The following THEMIS variants were observed in gnomAD, a reference collection of about 807,000 sequenced individuals.
The protein encoded by THEMIS is thymocyte selection associated, also known as protein THEMIS.
Under a neutral mutation model 52.6 loss-of-function variants are expected in THEMIS, and 37 were observed. The observed-to-expected ratio is 0.70, with a 90% CI of 0.54 to 0.93. THEMIS has a LOEUF of 0.93. Among genes scored for constraint, THEMIS ranks in the 40% least tolerant of loss-of-function variants. THEMIS has a pLI of 0.00. For missense variants in THEMIS, 808 were observed against 763.1 expected (o/e 1.06, Z -0.69); for synonymous variants, 292 against 272.7 (o/e 1.07, Z -0.70).
intron 4 of THEMIS, among the ~76,000 whole-genome samples, chr6:127,806,446 C>A (rs1038652326): frequency 6.6e-6 from 1 of 152,050 alleles, no homozygotes; most frequent in African/African-American, 2.4e-5. Context: ...TCATTGCCCC[C>A]AGGTGAGAAC....
chr6:127,860,798 A>G (rs1368096918), intron 1 of THEMIS, among the ~76,000 whole-genome samples: 1 of 152,200 alleles, frequency 6.6e-6, no homozygotes, highest in African/African-American at 2.4e-5. Flanking sequence ...TTTCAGTGAT[A>G]GAAGAAGAAT....
intron 2 of THEMIS, 146 bp from the exon 3 acceptor site, chr6:127,830,080 C>T: frequency 3.1e-6 from 2 of 644,636 alleles, no homozygotes; most frequent in Non-Finnish European, 5.2e-6. Context: ...TTATTTTAAT[C>T]CAGAGTTCTT....
chr6:127,910,785 T>C (rs1302479159), intron 1 of THEMIS, among the ~76,000 whole-genome samples: 1 of 152,124 alleles, frequency 6.6e-6, no homozygotes, highest in African/African-American at 2.4e-5. Context: ...TATTGAGATA[T>C]TATTATTATT....
At chr6:127,820,711 C>A (rs1257823398) in intron 3 of THEMIS, among the ~76,000 whole-genome samples, 1 of 152,022 alleles carries the variant, frequency 6.6e-6, no homozygotes. Context: ...TTACTGGCAA[C>A]CCAATCTGCC....
chr6:127,911,808 T>A (rs563398185), intron 1 of THEMIS, among the ~76,000 whole-genome samples: 2 of 151,580 alleles, frequency 1.3e-5, no homozygotes, highest in South Asian at 4.1e-4. Context: ...GCTAGGGCAG[T>A]GCAGAAGGGA....
chr6:127,818,438 A>G (rs1398031596), intron 3 of THEMIS, among the ~76,000 whole-genome samples: 3 of 152,194 alleles, frequency 2.0e-5, no homozygotes, highest in East Asian at 1.9e-4. Context: ...GACAAAAGAA[A>G]GCACTACATG....
intron 2 of THEMIS, 132 bp from the exon 3 acceptor site, chr6:127,830,066 A>T: frequency 1.5e-6 from 1 of 674,704 alleles, no homozygotes; most frequent in Admixed American, 3.0e-5. Flanking sequence ...AAGATTAGAG[A>T]TGCTTATTTT....
intron 2 of THEMIS, among the ~76,000 whole-genome samples, chr6:127,841,738 G>T (rs1005688856): frequency 6.6e-6 from 1 of 151,578 alleles, no homozygotes; most frequent in Non-Finnish European, 1.5e-5. Flanking sequence ...AATAGACCAA[G>T]AAATAGATCT....
chr6:127,864,723 T>C lies in THEMIS; in HGVS notation c.92-9535A>G, dbSNP rs549941510. 6.8e-4 allele frequency among the ~76,000 whole-genome samples: 103 copies of C among 152,200 alleles called. 3 individuals are homozygous for C. The highest frequency in any genetic ancestry group is 6.8e-3 in the Middle Eastern group (2 of 294). On this transcript the variant is annotated intron_variant, in intron 1 of 5. Coordinates refer to ENST00000368248, the MANE Select transcript of THEMIS (RefSeq NM_001010923.3). ...GTCTCAGCCTCTCAGTTCTGTTTGTTGAAGGCCTCCATCAACACTTACCTG... is the reference window on the plus strand; with the variant it reads ...GTCTCAGCCTCTCAGTTCTGTTTGTCGAAGGCCTCCATCAACACTTACCTG...
At chr6:127,710,973 T>TCCTCCCTC (rs1177373400) in intron 5 of THEMIS, among the ~76,000 whole-genome samples, 1 of 119,400 alleles carries the variant, frequency 8.4e-6, no homozygotes, top group Non-Finnish European at 2.0e-5. Context: ...CTTCTTTCCT[T>TCCTCCCTC]CCTCCCTCCC....
chr6:127,830,062 A>G (rs1778648702), intron 2 of THEMIS, 128 bp from the exon 3 acceptor site: 9 of 681,246 alleles, frequency 1.3e-5, no homozygotes, highest in Non-Finnish European at 1.9e-5. Context: ...TTTAAAGATT[A>G]GAGATGCTTA....
chr6:127,758,128 T>G (rs1025747235), intron 4 of THEMIS, among the ~76,000 whole-genome samples: 2 of 150,908 alleles, frequency 1.3e-5, no homozygotes, highest in Non-Finnish European at 3.0e-5. Context: ...TACATAAAAT[T>G]AACAGATTAC....
chr6:127,700,213 C>T, the THEMIS span, among the ~76,000 whole-genome samples: 1 of 151,776 alleles, frequency 6.6e-6, no homozygotes, highest in Non-Finnish European at 1.5e-5. Context: ...CTTCCTCTAA[C>T]AGTGTGCTAT....
At chr6:127,859,129 C>T (rs1047624910) in intron 1 of THEMIS, among the ~76,000 whole-genome samples, 7 of 152,010 alleles carry the variant, frequency 4.6e-5, no homozygotes, top group Non-Finnish European at 7.4e-5. Context: ...TTGGATGTTT[C>T]TCCCCTTTAC....
At chr6:127,862,245 T>A (rs962564699) in intron 1 of THEMIS, among the ~76,000 whole-genome samples, 2 of 152,080 alleles carry the variant, frequency 1.3e-5, no homozygotes, top group African/African-American at 4.8e-5. Context: ...ACAGGAATTT[T>A]AATCAACTTG....
intron 4 of THEMIS, among the ~76,000 whole-genome samples, chr6:127,730,321 A>AAGAAAAGAAAAGAAAAGAAAAGAAAAG (rs1307352446): frequency 4.9e-5 from 3 of 61,516 alleles, no homozygotes; most frequent in Admixed American, 1.2e-4. Context: ...GAAAAGAGAA[A>AAGAAAAGAAAAGAAAAGAAAAGAAAAG]AAAAGAAAAG....
chr6:127,763,353 G>A (rs887437366), intron 4 of THEMIS, among the ~76,000 whole-genome samples: 1 of 151,942 alleles, frequency 6.6e-6, no homozygotes, highest in African/African-American at 2.4e-5. Context: ...CAATATTCGT[G>A]TTGTGGCTAT....
intron 4 of THEMIS, among the ~76,000 whole-genome samples, chr6:127,759,614 T>C (rs748664189): frequency 2.6e-5 from 4 of 152,198 alleles, no homozygotes; most frequent in Non-Finnish European, 4.4e-5. Flanking sequence ...ATATTCATCA[T>C]TGAATTACGT....
rs72618503 is a variant in THEMIS at position 127,754,899 on chromosome 6, T to C, written c.1759-35076A>G. Reference sequence around the variant, plus strand: ...TTGATCATTTAATGGATATTCATAATATTCACACAAAATATGTACAGAAGG... The same window carrying C: ...TTGATCATTTAATGGATATTCATAACATTCACACAAAATATGTACAGAAGG... On this transcript the variant is annotated intron_variant, in intron 4 of 5. Transcript: ENST00000368248. Among the ~76,000 whole-genome samples the C allele has an allele frequency of 0.036, 5,509 of 152,252 alleles. 746 individuals are homozygous for C. The East Asian group carries it at 0.42, about 12-fold the overall frequency.
Sources: allele counts gnomAD v4.1 joint callset (sites outside exome capture counted in the v4.1 genomes callset), GRCh38; gene constraint gnomAD v4.1.1; transcripts MANE v1.5; gene names NCBI Gene and HGNC (gene_info 2026-07-23, HGNC 2026-07-21).